Variants in DDHD1 observed in about 807,000 individuals in gnomAD.
The protein encoded by DDHD1 is DDHD domain containing 1.
Under a neutral mutation model 96.4 loss-of-function variants are expected in DDHD1, and 49 were observed. The ratio of observed to expected loss-of-function variants is 0.51; its 90% CI spans 0.40 to 0.64. The LOEUF is 0.64. Among genes scored for constraint, DDHD1 ranks in the 30% least tolerant of loss-of-function variants. The probability of loss-of-function intolerance (pLI) is 0.00; values close to 1 mark genes in which losing one functional copy is unlikely to be tolerated. For synonymous variants in DDHD1, 442 were observed against 446.5 expected (o/e 0.99, Z 0.13); for missense variants, 1,106 against 1,161.2 (o/e 0.95, Z 0.69).
At chr14:53,083,030 A>T (rs2139960432) in intron 4 of DDHD1, among the ~76,000 whole-genome samples, 1 of 152,258 alleles carries the variant, frequency 6.6e-6, no homozygotes, top group African/African-American at 2.4e-5. Flanking sequence ...ATGAGGGAAG[A>T]CGGGGAGAGA....
Position 53,087,913 on chromosome 14 carries a change from T to C in DDHD1, c.1289+3872A>G, listed in dbSNP as rs535990069. On this transcript the variant is annotated intron_variant, in intron 4 of 12. Transcript: ENST00000673822. ...ACAATCAACAAAATTGATAGACCGCTAGCAAGACTAACAAAGAAGAAAAAA... is the reference window on the plus strand; with the variant it reads ...ACAATCAACAAAATTGATAGACCGCCAGCAAGACTAACAAAGAAGAAAAAA... Among the ~76,000 whole-genome samples, 9 of 152,214 alleles carry C rather than the reference T, an allele frequency of 5.9e-5. No homozygotes were observed. The South Asian group carries it at 1.9e-3, about 32-fold the overall frequency.
At chr14:53,126,031 C>T (rs900345741) in intron 1 of DDHD1, among the ~76,000 whole-genome samples, 10 of 152,130 alleles carry the variant, frequency 6.6e-5, no homozygotes, top group Admixed American at 1.3e-4. Context: ...CCTTCCCAAA[C>T]TTAATAAACC....
In DDHD1 at chr14:53,152,737, T is replaced by G; in HGVS notation, c.362A>C (p.Gln121Pro). 1 of 1,587,572 alleles carries G rather than the reference T, an allele frequency of 6.3e-7. No homozygotes were observed. Among genetic ancestry groups the G allele is most frequent in the Non-Finnish European group, 8.6e-7 (1 of 1,168,766 alleles). Residue 121 changes from glutamine (Q) to proline (P), a missense_variant, in exon 1 of 13, where the codon CAG (glutamine) becomes CCG (proline). This residue lies in a region of DDHD1 where 456 missense variants were observed against 402.4 expected (regional missense o/e 1.13). Transcript: ENST00000673822. ...GGSSLSLHPP[Q>P]QPPLVPTNSG... ...GTTCGTCGGGACCAGCGGAGGCTGC[T>G]GCGGCGGGTGCAGCGACAAGGAGCT...
chr14:53,058,434 C>A (rs780288525), intron 9 of DDHD1, 43 bp downstream of exon 9: 2 of 1,568,214 alleles, frequency 1.3e-6, no homozygotes, highest in African/African-American at 1.4e-5. Context: ...TTTTTAGGAA[C>A]AATTTGACAT....
chr14:53,107,686 G>A (rs2139740593), intron 1 of DDHD1, among the ~76,000 whole-genome samples: 1 of 152,308 alleles, frequency 6.6e-6, no homozygotes, highest in Non-Finnish European at 1.5e-5. Flanking sequence ...AGCTACTTGG[G>A]AGGCTGAGGC....
rs368557990 is a variant in DDHD1, at chr14:53,152,694, C to T, written c.405G>A (p.Ala135=). The change falls in exon 1 of 13, where the codon GCG becomes GCA. Residue 135 remains alanine, a synonymous_variant. Transcript: ENST00000673822. ...LVPTNSGGGG[A]TGGSPGERKR... Reference sequence around the variant, plus strand: ...TCCTTTCCCCGGGGGACCCTCCTGTCGCGCCGCCGCCCCCCGAGTTCGTCG... The same window carrying T: ...TCCTTTCCCCGGGGGACCCTCCTGTTGCGCCGCCGCCCCCCGAGTTCGTCG... The T allele has an allele frequency of 4.3e-6, 7 of 1,611,104 alleles. No individual in the cohort carries two copies. The African/African-American group carries it at 8.0e-5, about 18-fold the overall frequency.
At chr14:53,071,287 A>G (rs757826456) in intron 6 of DDHD1, among the ~76,000 whole-genome samples, 10 of 152,138 alleles carry the variant, frequency 6.6e-5, no homozygotes, top group Non-Finnish European at 1.2e-4. Context: ...GGGGCCATAT[A>G]TGATTATGAG....
intron 2 of DDHD1, among the ~76,000 whole-genome samples, chr14:53,095,645 A>G (rs1444056139): frequency 6.6e-6 from 1 of 152,234 alleles, no homozygotes; most frequent in Non-Finnish European, 1.5e-5. Flanking sequence ...AAAATAATGT[A>G]TAAGGTCAGC....
chr14:53,052,670 CTTA>C (rs960634483), intron 11 of DDHD1: 6 of 151,928 alleles, frequency 3.9e-5, no homozygotes, highest in African/African-American at 7.2e-5. Context: ...AAGGCAGAAT[CTTA>C]TTATAATAGT....
chr14:53,046,696 G>C lies in DDHD1; in HGVS notation c.*72C>G. 9.7e-7 allele frequency: 1 copy of C among 1,031,128 alleles called. No individual in the cohort carries two copies. 63.9% of individuals were successfully genotyped at this position (1,031,128 alleles called of 1,614,324 possible). On this transcript the variant is annotated 3_prime_UTR_variant, in exon 13 of 13. Coordinates refer to ENST00000673822, the MANE Select transcript of DDHD1 (RefSeq NM_001160148.2). ...AATATACTTTAACCCTGAAATCTCCGTATCTTGACACACACATTTTAACGG... is the reference window on the plus strand; with the variant it reads ...AATATACTTTAACCCTGAAATCTCCCTATCTTGACACACACATTTTAACGG...
intron 1 of DDHD1, among the ~76,000 whole-genome samples, chr14:53,117,133 T>G (rs1888605149): frequency 6.6e-6 from 1 of 152,032 alleles, no homozygotes; most frequent in Non-Finnish European, 1.5e-5. Context: ...CATAAACACC[T>G]CTATGCAAAT....
chr14:53,081,535 T>C (rs1013872458), intron 4 of DDHD1, among the ~76,000 whole-genome samples: 8 of 152,202 alleles, frequency 5.3e-5, no homozygotes, highest in African/African-American at 1.2e-4. Flanking sequence ...TTGGAGATAT[T>C]TTTGGTTCTA....
chr14:53,053,841 A>G (rs1408077506), intron 11 of DDHD1: 1 of 152,242 alleles, frequency 6.6e-6, no homozygotes, highest in Non-Finnish European at 1.5e-5. Flanking sequence ...ACAACTACTC[A>G]ACATTTCAAA....
intron 4 of DDHD1, among the ~76,000 whole-genome samples, chr14:53,086,325 A>C (rs1288174568): frequency 6.6e-6 from 1 of 152,182 alleles, no homozygotes; most frequent in African/African-American, 2.4e-5. Context: ...CTCCTCGAGA[A>C]GAGCAACTCC....
intron 4 of DDHD1, among the ~76,000 whole-genome samples, chr14:53,078,690 TTTTA>T (rs1171968025): frequency 1.3e-5 from 2 of 152,186 alleles, no homozygotes; most frequent in East Asian, 3.8e-4. Flanking sequence ...TCTAGATGCC[TTTTA>T]TTTCTTTTCT....
intron 4 of DDHD1, among the ~76,000 whole-genome samples, chr14:53,079,374 A>G (rs1885251909): frequency 6.6e-6 from 1 of 152,032 alleles, no homozygotes; most frequent in Non-Finnish European, 1.5e-5. Context: ...CATGTACTAT[A>G]GCCTGGAACT....
intron 1 of DDHD1, among the ~76,000 whole-genome samples, chr14:53,114,459 G>T (rs545892564): frequency 5.3e-4 from 80 of 152,292 alleles, no homozygotes; most frequent in Non-Finnish European, 1.0e-3. Flanking sequence ...CTCCCAACAG[G>T]GTCTGACAGA....
chr14:53,056,007 A>G (rs1233616582), intron 9 of DDHD1, 95 bp from the exon 10 acceptor site: 7 of 1,025,396 alleles, frequency 6.8e-6, no homozygotes, highest in Non-Finnish European at 9.9e-6. Context: ...TGTTAAGTAA[A>G]CCTCCGAGAA....
At chr14:53,103,228 TAA>T (rs758869465) in intron 2 of DDHD1, 21 of 505,162 alleles carry the variant, frequency 4.2e-5, no homozygotes, top group Non-Finnish European at 6.3e-5. Flanking sequence ...TGTTTCAAAT[TAA>T]AACTTGATAT....
Sources: allele counts gnomAD v4.1 joint callset (sites outside exome capture counted in the v4.1 genomes callset), GRCh38; gene constraint gnomAD v4.1.1; regional missense constraint gnomAD v4.1.1; transcripts MANE v1.5; gene names NCBI Gene and HGNC (gene_info 2026-07-23, HGNC 2026-07-21).